The following CSNK1G2 variants were observed in gnomAD, a reference collection of about 807,000 sequenced individuals.
CSNK1G2 encodes casein kinase 1 gamma 2.
Under a neutral mutation model 48.0 loss-of-function variants are expected in CSNK1G2, and 11 were observed. That is an observed-to-expected ratio of 0.23 (90% CI 0.14 to 0.38). The LOEUF (loss-of-function observed/expected upper bound fraction) is 0.38, where lower values mean the gene tolerates loss of function less well. Among genes scored for constraint, CSNK1G2 ranks in the 10% least tolerant of loss-of-function variants. The probability of loss-of-function intolerance (pLI) is 1.00; values close to 1 mark genes in which losing one functional copy is unlikely to be tolerated. For synonymous variants in CSNK1G2, 337 were observed against 254.1 expected (o/e 1.33, Z -3.10); for missense variants, 446 against 595.5 (o/e 0.75, Z 2.61).
intron 1 of CSNK1G2, among the ~76,000 whole-genome samples, chr19:1,962,045 C>A (rs749139625): frequency 6.6e-6 from 1 of 152,056 alleles, no homozygotes; most frequent in Non-Finnish European, 1.5e-5. Context: ...AAAATTACAC[C>A]CTGGCCAGGC....
intron 1 of CSNK1G2, chr19:1,954,030 G>A (rs751833872): frequency 1.9e-6 from 1 of 529,678 alleles, no homozygotes; most frequent in Non-Finnish European, 3.9e-6. Context: ...GACCGGCCCT[G>A]CCCATCCCTG....
chr19:1,943,368 C>A (rs956284047), intron 1 of CSNK1G2, among the ~76,000 whole-genome samples: 1 of 152,120 alleles, frequency 6.6e-6, no homozygotes, highest in African/African-American at 2.4e-5. Context: ...GGAGCCAGGC[C>A]GTTTGCAGGA....
chr19:1,978,925 C>A lies in CSNK1G2; in HGVS notation c.514C>A (p.Leu172Met). The A allele has an allele frequency of 6.2e-7, 1 of 1,602,562 alleles. No homozygotes were observed. ...CCGGGACGTGAAGCCCGAGAACTTC[C>A]TGGTGGGCCGCCCGGGGACCAAGCG... ...IYRDVKPENF[L>M]VGRPGTKRQH... Residue 172 changes from leucine to methionine, a missense_variant, in exon 6 of 12, where the codon CTG becomes ATG. Leu to Met is a conservative substitution (Grantham distance 15). Coordinates refer to ENST00000255641, the MANE Select transcript of CSNK1G2 (RefSeq NM_001319.7). This position sits in a 1 kb window ranked among gnomAD's most constrained non-coding sequence, Gnocchi z 7.3.
At chr19:1,944,105 C>G (rs2014466020) in intron 1 of CSNK1G2, among the ~76,000 whole-genome samples, 1 of 152,068 alleles carries the variant, frequency 6.6e-6, no homozygotes. Flanking sequence ...GGGCTTCGTC[C>G]TCAGGTCAGC....
chr19:1,964,172 A>G lies in CSNK1G2; in HGVS notation c.-265-5336A>G, dbSNP rs955211057. Among the ~76,000 whole-genome samples the G allele has an allele frequency of 5.9e-5, 9 of 151,766 alleles. 2 individuals are homozygous for G. The highest frequency in any genetic ancestry group is 2.2e-4 in the African/African-American group (9 of 41,392). The stretch of plus-strand genomic sequence containing the variant: ...GCTGGGCATGGTGATGTGTGCCTGT[A>G]GTTCCAGCTACTCTGGAGGCTGAGG... On this transcript the variant is annotated intron_variant, in intron 1 of 11. Transcript: ENST00000255641.
At chr19:1,954,928 G>T (rs551725205) in intron 1 of CSNK1G2, among the ~76,000 whole-genome samples, 2 of 152,264 alleles carry the variant, frequency 1.3e-5, no homozygotes, top group East Asian at 3.9e-4. Flanking sequence ...CCTCCCTGGG[G>T]TTGTTGCTTT....
intron 1 of CSNK1G2, chr19:1,954,062 C>T (rs1200657853): frequency 3.9e-6 from 2 of 512,964 alleles, no homozygotes; most frequent in African/African-American, 3.9e-5. Context: ...TCAGCTTCCT[C>T]CCATGGGGTG....
At chr19:1,952,345 CAG>C (rs1230195039) in intron 1 of CSNK1G2, among the ~76,000 whole-genome samples, 1 of 151,220 alleles carries the variant, frequency 6.6e-6, no homozygotes, top group Non-Finnish European at 1.5e-5. Flanking sequence ...TTTCTTGAGA[CAG>C]AGTCTTGCTC....
At position 1,975,594 on chromosome 19, in the gene CSNK1G2, G is replaced by A. The variant is rs146040005; in HGVS notation, c.188-2711G>A. The A allele has an allele frequency of 4.9e-4, 478 of 985,486 alleles. 1 individual carries two copies. The highest frequency in any genetic ancestry group is 5.5e-4 in the Non-Finnish European group (453 of 829,950). The allele number at this position is 985,486 out of a possible 1,614,324, so 61.0% of individuals were successfully genotyped here. A position where few individuals can be genotyped will look rare whatever the true frequency, so the allele number is the denominator to read the frequency against. ...CCGCAGGGGCAGCCTTTTGGGCGGG[G>A]AAGGGGGGATGAATCCACTGTGAAT... is the stretch of plus-strand genomic sequence containing the variant. On this transcript the variant is annotated intron_variant, in intron 2 of 11. Coordinates refer to ENST00000255641, the MANE Select transcript of CSNK1G2 (RefSeq NM_001319.7).
At chr19:1,967,539 C>T (rs992244267) in intron 1 of CSNK1G2, among the ~76,000 whole-genome samples, 6 of 152,064 alleles carry the variant, frequency 3.9e-5, no homozygotes, top group Non-Finnish European at 7.4e-5. Context: ...CGGTGGCTCC[C>T]GGTGCAGGGT....
intron 2 of CSNK1G2, chr19:1,975,129 A>G: frequency 4.1e-6 from 4 of 985,478 alleles, no homozygotes; most frequent in Non-Finnish European, 4.8e-6. Flanking sequence ...AAGAGCCGGG[A>G]AGGACCCCAT....
At chr19:1,956,901 A>AACC (rs1568188051) in intron 1 of CSNK1G2, among the ~76,000 whole-genome samples, 1 of 152,172 alleles carries the variant, frequency 6.6e-6, no homozygotes, top group Non-Finnish European at 1.5e-5. Flanking sequence ...GCGGCGGTTG[A>AACC]TGGGTTAATT....
rs771327297 is a variant in CSNK1G2, at chr19:1,978,277, G to C, written c.188-28G>C. The C allele has an allele frequency of 2.5e-6, 4 of 1,612,980 alleles. No individual in the cohort carries two copies. The South Asian group carries it at 4.4e-5, about 18-fold the overall frequency. On this transcript the variant is annotated intron_variant, in intron 2 of 11. Transcript: ENST00000255641. The surrounding 1 kb of genome is among the most constrained non-coding windows in gnomAD (Gnocchi z 7.3). ...TCGGGGCTAGGTGGGCCCTGCGCTG[G>C]CGGTGCTGATGGTCTCTGTCCCCGC... is the stretch of plus-strand genomic sequence containing the variant.
chr19:1,942,917 G>T lies in CSNK1G2; in HGVS notation c.-266+1499G>T, dbSNP rs147684193. 3.7e-3 allele frequency among the ~76,000 whole-genome samples: 556 copies of T among 152,304 alleles called. 1 individual carries two copies. Among genetic ancestry groups the T allele is most frequent in the African/African-American group, 0.013 (530 of 41,562 alleles). ...GACTGATGAGTTTCCCAGGCAGGCA[G>T]CCCCCGGGAGTGTGTGCAGGTACGC... On this transcript the variant is annotated intron_variant, in intron 1 of 11. Coordinates refer to ENST00000255641, the MANE Select transcript of CSNK1G2 (RefSeq NM_001319.7).
chr19:1,956,349 C>T (rs757869553), intron 1 of CSNK1G2, among the ~76,000 whole-genome samples: 9 of 152,172 alleles, frequency 5.9e-5, no homozygotes, highest in Non-Finnish European at 1.0e-4. Context: ...AAAGCCAGAA[C>T]GCATGTAGCT....
intron 1 of CSNK1G2, among the ~76,000 whole-genome samples, chr19:1,946,557 C>G (rs372087592): frequency 1.1e-4 from 16 of 149,630 alleles, no homozygotes; most frequent in Non-Finnish European, 5.9e-5. Flanking sequence ...TCCCAAAGTG[C>G]TGGGATTACA....
At chr19:1,974,978 C>A in intron 2 of CSNK1G2, 1 of 796,304 alleles carries the variant, frequency 1.3e-6, no homozygotes. Flanking sequence ...GAGCCCAGAG[C>A]GCCCGACCTC....
At chr19:1,946,087 TG>T (rs2014544857) in intron 1 of CSNK1G2, among the ~76,000 whole-genome samples, 1 of 151,928 alleles carries the variant, frequency 6.6e-6, no homozygotes, top group Non-Finnish European at 1.5e-5. Flanking sequence ...AGGTGGGAAG[TG>T]CATCCCGTGG....
rs752045912 is a variant in CSNK1G2 at position 1,980,301 on chromosome 19, C to G, written c.*98C>G. Reference sequence around the variant, plus strand: ...GGGCCCACCCACAGCGGCCCAGGGCCAGACCCTGGCTGGAAGCCAGAACGC... The same window carrying G: ...GGGCCCACCCACAGCGGCCCAGGGCGAGACCCTGGCTGGAAGCCAGAACGC... On this transcript the variant is annotated 3_prime_UTR_variant, in exon 12 of 12. Coordinates refer to ENST00000255641, the MANE Select transcript of CSNK1G2 (RefSeq NM_001319.7). 18 of 1,463,986 alleles carry G rather than the reference C, an allele frequency of 1.2e-5. No individual in the cohort carries two copies. Among genetic ancestry groups the G allele is most frequent in the Non-Finnish European group, 1.6e-5 (17 of 1,054,962 alleles). The allele number at this position is 1,463,986 out of a possible 1,614,324, so 90.7% of individuals were successfully genotyped here.
Sources: allele counts gnomAD v4.1 joint callset (sites outside exome capture counted in the v4.1 genomes callset), GRCh38; gene constraint gnomAD v4.1.1; non-coding constraint Gnocchi (gnomAD v3.1); transcripts MANE v1.5; gene names NCBI Gene and HGNC (gene_info 2026-07-23, HGNC 2026-07-21).